The following TBC1D5 variants were observed in gnomAD, a reference collection of about 807,000 sequenced individuals.
TBC1D5 encodes the protein TBC1 domain family member 5.
TBC1D5 carries 75 observed loss-of-function variants against 100.3 expected under a neutral mutation model. The observed-to-expected ratio is 0.75, with a 90% confidence interval of 0.62 to 0.91. The LOEUF is 0.91. TBC1D5 is among the 40% of genes least tolerant of loss of function. TBC1D5 has a pLI of 0.00. For synonymous variants in TBC1D5, 323 were observed against 325.6 expected (o/e 0.99, Z 0.09); for missense variants, 910 against 942.4 (o/e 0.97, Z 0.45).
At chr3:17,461,021 G>A (rs899017512) in intron 3 of TBC1D5, among the ~76,000 whole-genome samples, 1 of 152,030 alleles carries the variant, frequency 6.6e-6, no homozygotes, top group Non-Finnish European at 1.5e-5. Flanking sequence ...CAGAACAGTT[G>A]GATTATGCAC....
intron 3 of TBC1D5, among the ~76,000 whole-genome samples, chr3:17,500,549 C>G (rs1005763507): frequency 1.3e-5 from 2 of 149,292 alleles, no homozygotes; most frequent in African/African-American, 5.1e-5. Flanking sequence ...TGACTTAACC[C>G]CTAATAGATA....
chr3:17,262,237 A>G (rs1340073704), intron 15 of TBC1D5, among the ~76,000 whole-genome samples: 2 of 152,132 alleles, frequency 1.3e-5, no homozygotes, highest in East Asian at 3.9e-4. Flanking sequence ...CAGGCTACAA[A>G]CCTGTACAGC....
In TBC1D5 at chr3:17,170,024, C is replaced by T. The variant is rs374453516; in HGVS notation, c.1853-2196G>A. On this transcript the variant is annotated intron_variant, in intron 19 of 21. Coordinates refer to ENST00000253692, the Ensembl canonical transcript of TBC1D5. ...ACAGGAGGTGGAGCTCAGGTGGTAACGCTGGCTCACGTGCCCCTCACCTCC... is the reference window on the plus strand; with the variant it reads ...ACAGGAGGTGGAGCTCAGGTGGTAATGCTGGCTCACGTGCCCCTCACCTCC... Among the ~76,000 whole-genome samples, 13 of 152,312 alleles carry T rather than the reference C, an allele frequency of 8.5e-5. No individual in the cohort carries two copies. In the East Asian group the frequency reaches 1.9e-3, roughly 23 times the overall value.
At chr3:17,662,886 A>G (rs964944850) in intron 1 of TBC1D5, 2 of 152,174 alleles carry the variant, frequency 1.3e-5, no homozygotes, top group African/African-American at 2.4e-5. Flanking sequence ...ATATACACAC[A>G]TACATATACT....
At chr3:17,604,292 A>G (rs1032292936) in intron 2 of TBC1D5, among the ~76,000 whole-genome samples, 1 of 152,134 alleles carries the variant, frequency 6.6e-6, no homozygotes, top group Admixed American at 6.5e-5. Context: ...GAATTTCCTT[A>G]TGAAGAACTC....
intron 16 of TBC1D5, among the ~76,000 whole-genome samples, chr3:17,245,022 CAAAAA>C (rs34531807): frequency 1.4e-4 from 5 of 35,362 alleles, no homozygotes; most frequent in Admixed American, 2.7e-4. Context: ...CCTGTCTCTA[CAAAAA>C]AAAAAAAAAA....
At chr3:17,568,046 G>A (rs1345116788) in intron 2 of TBC1D5, among the ~76,000 whole-genome samples, 1 of 151,446 alleles carries the variant, frequency 6.6e-6, no homozygotes, top group East Asian at 1.9e-4. Flanking sequence ...AGCATCACAA[G>A]CTTTGATAAT....
chr3:17,735,538 G>A (rs143655146), intron 1 of TBC1D5, among the ~76,000 whole-genome samples: 589 of 152,286 alleles, frequency 3.9e-3, no homozygotes, highest in Non-Finnish European at 5.8e-3. Context: ...CTGACCTGGG[G>A]TTCTTGGCCT....
At position 17,497,136 on chromosome 3, in the gene TBC1D5, A is replaced by C. The variant is rs7628836; in HGVS notation, c.97+11338T>G. Among the ~76,000 whole-genome samples the C allele has an allele frequency of 2.7e-3, 311 of 114,840 alleles. 4 individuals are homozygous for C. The highest frequency in any genetic ancestry group is 0.011 in the African/African-American group (259 of 23,220). The allele number at this position is 114,840 out of a possible 152,430, so 75.3% of individuals were successfully genotyped here. On this transcript the variant is annotated intron_variant, in intron 3 of 21. Coordinates refer to ENST00000253692, the Ensembl canonical transcript of TBC1D5. ...CACACACACACACACACACACACAC[A>C]CCATCCTTGTATATCTGCATATCTG...
At chr3:17,696,496 C>T (rs2072105514) in intron 1 of TBC1D5, among the ~76,000 whole-genome samples, 1 of 152,132 alleles carries the variant, frequency 6.6e-6, no homozygotes, top group Non-Finnish European at 1.5e-5. Flanking sequence ...ACTAGAAAAT[C>T]TAGAAGAAAT....
intron 1 of TBC1D5, among the ~76,000 whole-genome samples, chr3:17,654,507 A>G (rs142056295): frequency 0.017 from 2,515 of 152,306 alleles, 51 homozygotes; most frequent in South Asian, 0.047. Context: ...CCAGGGATGA[A>G]GCCCACTTGA....
At chr3:17,670,684 A>C (rs1004828245) in intron 1 of TBC1D5, among the ~76,000 whole-genome samples, 1 of 152,244 alleles carries the variant, frequency 6.6e-6, no homozygotes, top group Admixed American at 6.5e-5. Flanking sequence ...GGGAATAATA[A>C]AGAAGCTCAA....
chr3:17,690,034 T>C (rs941173844), intron 1 of TBC1D5, among the ~76,000 whole-genome samples: 2 of 152,108 alleles, frequency 1.3e-5, no homozygotes, highest in Non-Finnish European at 2.9e-5. Flanking sequence ...TAATACATGA[T>C]GCTTTAATAA....
chr3:17,269,290 G>GTT (rs1397347649), intron 15 of TBC1D5, among the ~76,000 whole-genome samples: 1 of 152,092 alleles, frequency 6.6e-6, no homozygotes, highest in East Asian at 1.9e-4. Context: ...GAACAGTGAA[G>GTT]TAAGTTGTCT....
At chr3:17,175,755 T>C (rs2067649447) in intron 19 of TBC1D5, among the ~76,000 whole-genome samples, 1 of 152,180 alleles carries the variant, frequency 6.6e-6, no homozygotes, top group African/African-American at 2.4e-5. Flanking sequence ...AAGATAAATA[T>C]ATATGTTGTG....
intron 1 of TBC1D5, among the ~76,000 whole-genome samples, chr3:17,728,030 G>A (rs1233415230): frequency 6.6e-6 from 1 of 152,046 alleles, no homozygotes; most frequent in Non-Finnish European, 1.5e-5. Context: ...GACAAAGGGT[G>A]GAAAATATAA....
At chr3:17,632,355 C>A (rs918461258) in intron 1 of TBC1D5, among the ~76,000 whole-genome samples, 1 of 152,180 alleles carries the variant, frequency 6.6e-6, no homozygotes, top group African/African-American at 2.4e-5. Context: ...AAAAAGTAGT[C>A]TCTTGAGATG....
At chr3:17,318,364 A>G (rs1001083206) in intron 13 of TBC1D5, among the ~76,000 whole-genome samples, 1 of 152,036 alleles carries the variant, frequency 6.6e-6, no homozygotes, top group African/African-American at 2.4e-5. Flanking sequence ...GTACCCTAAA[A>G]CTTAAAGTAT....
chr3:17,293,935 A>T (rs2082001081), intron 14 of TBC1D5, among the ~76,000 whole-genome samples: 1 of 152,228 alleles, frequency 6.6e-6, no homozygotes, highest in Non-Finnish European at 1.5e-5. Flanking sequence ...AGATGCAATA[A>T]TTGATACTTG....
Sources: allele counts gnomAD v4.1 joint callset (sites outside exome capture counted in the v4.1 genomes callset), GRCh38; gene constraint gnomAD v4.1.1; transcripts MANE v1.5; gene names NCBI Gene and HGNC (gene_info 2026-07-23, HGNC 2026-07-21).